The following NID1 variants were observed in gnomAD, a reference collection of about 807,000 sequenced individuals.
The protein encoded by NID1 is nidogen 1.
In NID1, 76 loss-of-function variants were observed where a neutral mutation model predicts 130.6. The observed-to-expected ratio is 0.58, with a 90% CI of 0.48 to 0.70. NID1 has a LOEUF of 0.70. Ranked by LOEUF, NID1 falls within the 30% of genes least tolerant of loss-of-function variation. NID1 has a pLI of 0.00. For synonymous variants in NID1, 665 were observed against 675.1 expected (o/e 0.98, Z 0.23); for missense variants, 1,517 against 1,664.8 (o/e 0.91, Z 1.54).
chr1:235,996,401 T>A (rs1657922846), intron 12 of NID1, among the ~76,000 whole-genome samples: 1 of 152,058 alleles, frequency 6.6e-6, no homozygotes, highest in East Asian at 1.9e-4. Flanking sequence ...TTTTAAAAAA[T>A]ATATAATTTG....
intron 5 of NID1, among the ~76,000 whole-genome samples, chr1:236,037,745 A>T (rs1474738414): frequency 6.6e-6 from 1 of 152,186 alleles, no homozygotes; most frequent in Non-Finnish European, 1.5e-5. Flanking sequence ...GATTTCAAAG[A>T]AGTGAAGGAA....
At chr1:236,046,411 C>T (rs1572618187) in intron 2 of NID1, among the ~76,000 whole-genome samples, 1 of 152,174 alleles carries the variant, frequency 6.6e-6, no homozygotes, top group East Asian at 1.9e-4. Context: ...TTGCAAAGCG[C>T]TGCAGGAGCC....
intron 10 of NID1, among the ~76,000 whole-genome samples, chr1:236,015,298 C>T (rs1658554652): frequency 1.3e-5 from 2 of 152,188 alleles, no homozygotes; most frequent in South Asian, 4.1e-4. Flanking sequence ...AGTGAGCCTT[C>T]TCTCTGCGCA....
At chr1:236,044,017 G>T (rs1366251676) in intron 3 of NID1, among the ~76,000 whole-genome samples, 2 of 152,100 alleles carry the variant, frequency 1.3e-5, no homozygotes, top group East Asian at 1.9e-4. Context: ...GTGATTGGAA[G>T]TGCTCCTATC....
chr1:236,022,178 G>T (rs902085185), intron 9 of NID1, among the ~76,000 whole-genome samples: 1 of 152,154 alleles, frequency 6.6e-6, no homozygotes, highest in South Asian at 2.1e-4. Context: ...GAGGTGGGAG[G>T]ATCACCTGAG....
At chr1:236,024,024 C>T in intron 9 of NID1, 46 bp downstream of exon 9, 1 of 1,607,260 alleles carries the variant, frequency 6.2e-7, no homozygotes, top group Non-Finnish European at 8.5e-7. Context: ...ATGCCTCCTC[C>T]TCGCCTGATT....
At chr1:236,062,308 T>G (rs533501352) in intron 1 of NID1, among the ~76,000 whole-genome samples, 1 of 152,212 alleles carries the variant, frequency 6.6e-6, no homozygotes, top group Non-Finnish European at 1.5e-5. Context: ...AATGATAATC[T>G]TTTAAAGTTA....
At chr1:236,063,198 A>T (rs1024564568) in intron 1 of NID1, among the ~76,000 whole-genome samples, 9 of 140,062 alleles carry the variant, frequency 6.4e-5, no homozygotes, top group Admixed American at 2.2e-4. Flanking sequence ...TGGGCCAGGC[A>T]TGGTGGCTCA....
Position 235,993,667 on chromosome 1 carries a change from G to T in NID1, c.2733C>A (p.Thr911=). 6.4e-7 allele frequency: 1 copy of T among 1,567,726 alleles called. No individual in the cohort carries two copies. The highest frequency in any genetic ancestry group is 8.7e-7 in the Non-Finnish European group (1 of 1,151,462). Residue 911 remains threonine, a synonymous_variant, in exon 13 of 20, where the codon ACC becomes ACA. Coordinates refer to ENST00000264187, the MANE Select transcript of NID1 (RefSeq NM_002508.3). ...TACACGGGGGCGTCATCCCGGGCCT[G>T]GTCCTGGTGCCCTCCACCTCGCGGC... The part of the protein sequence containing the change: ...RDGREVEGTR[T]RPGMTPPCLS...
Position 235,981,625 on chromosome 1 carries a change from C to A in NID1, c.3213G>T (p.Thr1071=). The part of the protein sequence containing the change: ...TDLVNPRGIV[T]DSVRGNLYWT... ...CACAAAGATACCCTCTCACGGAATC[C>A]GTTACAATGCCTCTGGGATTCACCA... Residue 1071 remains threonine, a synonymous_variant, in exon 16 of 20, where the codon ACG becomes ACT. Transcript: ENST00000264187. 1 of 1,612,284 alleles carries A rather than the reference C, an allele frequency of 6.2e-7. No homozygotes were observed. Among genetic ancestry groups the A allele is most frequent in the Non-Finnish European group, 8.5e-7 (1 of 1,179,438 alleles).
chr1:236,032,469 A>T lies in NID1; in HGVS notation c.1469T>A (p.Val490Asp). 4.3e-6 allele frequency: 7 copies of T among 1,614,020 alleles called. No homozygotes were observed. Among genetic ancestry groups the T allele is most frequent in the Non-Finnish European group, 5.1e-6 (6 of 1,179,990 alleles). Residue 490 changes from valine (V) to aspartate (D), a missense_variant, in exon 6 of 20, where the codon GTT becomes GAT. By Grantham distance (152) the Val-to-Asp change is radical. Around this residue, in one of 3 missense-constraint regions of NID1, gnomAD observed 1,329 missense variants for 1,429.2 expected, o/e 0.93. Transcript: ENST00000264187. ...VGYSLLPLAP[V>D]GGIIGWMFAV... is the part of the protein sequence containing the mutation. ...AAACATCCATCCAATGATGCCTCCA[A>T]CTGGGGCCAGTGGAAGCAGAGAATA...
intron 12 of NID1, among the ~76,000 whole-genome samples, chr1:235,997,080 C>T (rs2031485): frequency 0.16 from 25,065 of 152,060 alleles, 2,750 homozygotes; most frequent in East Asian, 0.56. Context: ...GTGATCCGCC[C>T]GCCTCAGCCT....
At chr1:236,001,299 G>A (rs914753558) in intron 12 of NID1, among the ~76,000 whole-genome samples, 2 of 152,026 alleles carry the variant, frequency 1.3e-5, no homozygotes, top group Non-Finnish European at 2.9e-5. Context: ...TAGAGACGGG[G>A]TTTCATGATG....
At chr1:235,990,406 G>C (rs1456061103) in intron 14 of NID1, among the ~76,000 whole-genome samples, 2 of 152,136 alleles carry the variant, frequency 1.3e-5, no homozygotes, top group Non-Finnish European at 2.9e-5. Context: ...CTCCTCATAG[G>C]ACCCTCACAG....
At chr1:236,016,156 GA>G (rs199651920) in intron 10 of NID1, among the ~76,000 whole-genome samples, 101 of 142,606 alleles carry the variant, frequency 7.1e-4, no homozygotes, top group Admixed American at 7.0e-4. Context: ...CCCTACTGAG[GA>G]AAAAAAAAAA....
chr1:236,064,537 C>G (rs541978680), intron 1 of NID1: 1 of 313,160 alleles, frequency 3.2e-6, no homozygotes, highest in Non-Finnish European at 6.0e-6. Flanking sequence ...AGCCGAGGGA[C>G]GCGGACTGAC....
intron 14 of NID1, among the ~76,000 whole-genome samples, chr1:235,986,619 C>T (rs1657580878): frequency 6.6e-6 from 1 of 152,066 alleles, no homozygotes; most frequent in African/African-American, 2.4e-5. Context: ...TGCCAGCACA[C>T]CTAGTTAATT....
At chr1:236,062,303 T>A (rs771278042) in intron 1 of NID1, among the ~76,000 whole-genome samples, 9 of 152,206 alleles carry the variant, frequency 5.9e-5, no homozygotes, top group Non-Finnish European at 1.0e-4. Flanking sequence ...AAGAGAATGA[T>A]AATCTTTTAA....
At chr1:236,023,109 C>A (rs1424408461) in intron 9 of NID1, among the ~76,000 whole-genome samples, 1 of 151,880 alleles carries the variant, frequency 6.6e-6, no homozygotes, top group African/African-American at 2.4e-5. Context: ...AGCAATCCCA[C>A]TTTTGAATAT....
Sources: gnomAD v4.1 joint callset for allele counts (sites outside exome capture counted in the v4.1 genomes callset) on GRCh38, gnomAD v4.1.1 for gene constraint, gnomAD v4.1.1 regional missense constraint, MANE v1.5 for transcripts, NCBI Gene and HGNC (gene_info 2026-07-23, HGNC 2026-07-21) for gene names.